Variants in CTNND2 observed in about 807,000 individuals in gnomAD.
The protein encoded by CTNND2 is catenin delta-2.
CTNND2 carries 22 observed loss-of-function variants against 144.4 expected under a neutral mutation model. That is an observed-to-expected ratio of 0.15 (90% CI 0.11 to 0.22). CTNND2 has a LOEUF of 0.22. Among genes scored for constraint, CTNND2 ranks in the 10% least tolerant of loss-of-function variants. The pLI, the probability that CTNND2 is intolerant of heterozygous loss-of-function variation, is 1.00. For synonymous variants in CTNND2, 751 were observed against 695.6 expected (o/e 1.08, Z -1.25); for missense variants, 1,353 against 1,618.8 (o/e 0.84, Z 2.82).
intron 18 of CTNND2, among the ~76,000 whole-genome samples, chr5:11,002,747 G>C (rs1373810457): frequency 6.6e-6 from 1 of 152,210 alleles, no homozygotes; most frequent in African/African-American, 2.4e-5. Flanking sequence ...GGGTGACCCA[G>C]TGAATAGCCA....
At chr5:11,646,594 T>C (rs1214327269) in intron 2 of CTNND2, among the ~76,000 whole-genome samples, 1 of 151,990 alleles carries the variant, frequency 6.6e-6, no homozygotes, top group African/African-American at 2.4e-5. Flanking sequence ...ATTTTACCAA[T>C]GATGCATGGA....
intron 21 of CTNND2, among the ~76,000 whole-genome samples, chr5:10,975,356 A>ACTCC: frequency 1.3e-5 from 2 of 152,158 alleles, no homozygotes; most frequent in African/African-American, 4.8e-5. Flanking sequence ...AACATTTAGC[A>ACTCC]AATTCTTTAA....
At chr5:11,316,924 T>A (rs963659477) in intron 9 of CTNND2, among the ~76,000 whole-genome samples, 1 of 152,110 alleles carries the variant, frequency 6.6e-6, no homozygotes, top group Non-Finnish European at 1.5e-5. Context: ...AAGTCTTTGC[T>A]ATTGTGAATA....
intron 9 of CTNND2, among the ~76,000 whole-genome samples, chr5:11,250,495 A>C (rs372758563): frequency 0.042 from 2,386 of 57,190 alleles, 32 homozygotes; most frequent in Middle Eastern, 0.056. Context: ...CTCTCTCTAT[A>C]TATATATATA....
chr5:11,473,080 G>T (rs1253012929), intron 3 of CTNND2, among the ~76,000 whole-genome samples: 1 of 152,072 alleles, frequency 6.6e-6, no homozygotes, highest in East Asian at 1.9e-4. Context: ...AAAAAAGAAA[G>T]AAAGAAAGAA....
intron 16 of CTNND2, among the ~76,000 whole-genome samples, chr5:11,028,125 T>C (rs969393888): frequency 6.6e-6 from 1 of 152,214 alleles, no homozygotes; most frequent in Non-Finnish European, 1.5e-5. Flanking sequence ...TGATCACTGA[T>C]GGAGTCCTAT....
At position 11,238,940 on chromosome 5, in the gene CTNND2, A is replaced by G. The variant is rs73743722; in HGVS notation, c.1629-2117T>C. Among the ~76,000 whole-genome samples, 348 of 152,352 alleles carry G rather than the reference A, an allele frequency of 2.3e-3. 2 individuals carry two copies. The highest frequency in any genetic ancestry group is 8.2e-3 in the African/African-American group (341 of 41,576). On this transcript the variant is annotated intron_variant, in intron 9 of 21. Transcript: ENST00000304623. ...TCTCAAATTTAATTTCTTTTGTTTT[A>G]TAATTCTAAACCACGTCTGCAAGGC...
At chr5:11,494,251 T>C (rs1292272990) in intron 3 of CTNND2, among the ~76,000 whole-genome samples, 2 of 152,174 alleles carry the variant, frequency 1.3e-5, no homozygotes, top group African/African-American at 4.8e-5. Flanking sequence ...ACTCTGATGA[T>C]AGGGTCAATT....
Position 11,771,307 on chromosome 5 carries a change from A to C in CTNND2, c.38-39035T>G, listed in dbSNP as rs967195395. Among the ~76,000 whole-genome samples, 4 of 141,466 alleles carry C rather than the reference A, an allele frequency of 2.8e-5. No individual in the cohort carries two copies. In the Admixed American group the frequency reaches 3.2e-4, roughly 11 times the overall value. The allele number at this position is 141,466 out of a possible 152,430, so 92.8% of individuals were successfully genotyped here. On this transcript the variant is annotated intron_variant, in intron 1 of 21. Transcript: ENST00000304623. ...TCCGGCTAATTTTTGTATTTTTAGC[A>C]GAGGCGGGGTTTCACCATGTTGGTC...
intron 1 of CTNND2, among the ~76,000 whole-genome samples, chr5:11,826,754 T>C (rs1385737539): frequency 6.6e-6 from 1 of 152,016 alleles, no homozygotes; most frequent in Non-Finnish European, 1.5e-5. Context: ...GGAGTAATGA[T>C]AGAGGAGTCA....
intron 2 of CTNND2, among the ~76,000 whole-genome samples, chr5:11,702,111 T>C (rs1460048172): frequency 1.3e-5 from 2 of 152,084 alleles, no homozygotes; most frequent in East Asian, 1.9e-4. Context: ...AACCAGGGGG[T>C]CCAGTTGCTC....
chr5:11,754,215 T>C (rs1319019568), intron 1 of CTNND2, among the ~76,000 whole-genome samples: 1 of 151,782 alleles, frequency 6.6e-6, no homozygotes, highest in Admixed American at 6.6e-5. Context: ...TTCTGCTACC[T>C]TTGGGGTTGA....
At chr5:11,720,654 T>A (rs938130171) in intron 2 of CTNND2, among the ~76,000 whole-genome samples, 1 of 152,174 alleles carries the variant, frequency 6.6e-6, no homozygotes, top group Non-Finnish European at 1.5e-5. Context: ...CCGCGACTCA[T>A]GTTTGGGAGC....
At chr5:11,291,869 G>C (rs1748383686) in intron 9 of CTNND2, among the ~76,000 whole-genome samples, 2 of 152,122 alleles carry the variant, frequency 1.3e-5, no homozygotes, top group Non-Finnish European at 2.9e-5. Flanking sequence ...CTGTATCATA[G>C]CCACATTTCT....
chr5:11,878,586 A>G (rs1228503072), intron 1 of CTNND2, among the ~76,000 whole-genome samples: 2 of 152,258 alleles, frequency 1.3e-5, no homozygotes, highest in Non-Finnish European at 2.9e-5. Context: ...AACAGCTGGG[A>G]AAGTGACTAG....
rs1181553102 is a variant in CTNND2 at position 11,128,857 on chromosome 5, T to TATATAA, written c.2160-11291_2160-11290insTTATAT. Among the ~76,000 whole-genome samples the TATATAA allele has an allele frequency of 6.9e-4, 46 of 67,050 alleles. 6 individuals carry two copies. Among genetic ancestry groups the TATATAA allele is most frequent in the African/African-American group, 2.4e-3 (46 of 19,324 alleles). 44.0% of individuals were successfully genotyped at this position (67,050 alleles called of 152,430 possible). On this transcript the variant is annotated intron_variant, in intron 12 of 21. Coordinates refer to ENST00000304623, the MANE Select transcript of CTNND2 (RefSeq NM_001332.4). ...TATATTAAGTATATAATATATATAA[T>TATATAA]ATATATAATATATAAATATATAATA...
chr5:11,642,549 A>T (rs1174561555), intron 2 of CTNND2, among the ~76,000 whole-genome samples: 2 of 152,194 alleles, frequency 1.3e-5, no homozygotes, highest in Admixed American at 1.3e-4. Context: ...TATTCAAGGC[A>T]CAGGAAGCAG....
intron 2 of CTNND2, among the ~76,000 whole-genome samples, chr5:11,698,637 A>T (rs1472025903): frequency 3.9e-5 from 6 of 152,088 alleles, no homozygotes; most frequent in Non-Finnish European, 7.4e-5. Context: ...TTTTGTCTCC[A>T]GCTTACACCT....
chr5:11,429,031 C>G (rs879663126), intron 3 of CTNND2, among the ~76,000 whole-genome samples: 48 of 152,312 alleles, frequency 3.2e-4, no homozygotes, highest in South Asian at 4.1e-4. Context: ...ACCCCTCCCC[C>G]TTAAACATAG....
Sources: allele counts gnomAD v4.1 joint callset (sites outside exome capture counted in the v4.1 genomes callset), GRCh38; gene constraint gnomAD v4.1.1; transcripts MANE v1.5; gene names NCBI Gene and HGNC (gene_info 2026-07-23, HGNC 2026-07-21).